PDE1C: variants seen among roughly 807,000 people sequenced by gnomAD.
The protein encoded by PDE1C is phosphodiesterase 1C.
A neutral mutation model predicts 93.1 loss-of-function variants in PDE1C; 62 were observed. That is an observed-to-expected ratio of 0.67 (90% CI 0.54 to 0.82). The LOEUF (loss-of-function observed/expected upper bound fraction) is 0.82, where lower values mean the gene tolerates loss of function less well. Ranked by LOEUF, PDE1C falls within the 40% of genes least tolerant of loss-of-function variation. The pLI is 0.00. For synonymous variants in PDE1C, 325 were observed against 310.1 expected, an observed-to-expected ratio of 1.05 and a Z score of -0.50; for missense variants, 742 against 884.6, an observed-to-expected ratio of 0.84 and a Z score of 2.04.
chr7:31,830,380 A>AT (rs1790232267), intron 11 of PDE1C, among the ~76,000 whole-genome samples: 1 of 152,192 alleles, frequency 6.6e-6, no homozygotes, highest in African/African-American at 2.4e-5. Context: ...TACACAAAGG[A>AT]TTTTTAAAAA....
chr7:31,689,190 G>A, the PDE1C span, among the ~76,000 whole-genome samples: 1 of 152,144 alleles, frequency 6.6e-6, no homozygotes, highest in Non-Finnish European at 1.5e-5. Flanking sequence ...ACGTCCCTGT[G>A]TGAGTGTTAG....
At chr7:32,135,240 T>C (rs1342492540) in intron 3 of PDE1C, among the ~76,000 whole-genome samples, 1 of 152,088 alleles carries the variant, frequency 6.6e-6, no homozygotes, top group African/African-American at 2.4e-5. Flanking sequence ...ATGAGCCCTA[T>C]AGGATGTTGG....
At chr7:31,839,435 T>A (rs776228120) in intron 9 of PDE1C, among the ~76,000 whole-genome samples, 1 of 142,382 alleles carries the variant, frequency 7.0e-6, no homozygotes, top group Admixed American at 7.4e-5. Flanking sequence ...CACACACACA[T>A]ATATAATACA....
At chr7:32,102,624 C>T (rs1321442886) in intron 3 of PDE1C, among the ~76,000 whole-genome samples, 3 of 152,222 alleles carry the variant, frequency 2.0e-5, no homozygotes. Flanking sequence ...AAAAATAAAA[C>T]TCATTCCTGG....
At chr7:32,186,087 GTTTTTTTTTTTTTTTTT>G (rs10561469) in intron 2 of PDE1C, among the ~76,000 whole-genome samples, 1 of 128,570 alleles carries the variant, frequency 7.8e-6, no homozygotes, top group Non-Finnish European at 1.7e-5. Context: ...TTGTTTTTTT[GTTTTTTTTTTTTTTTTT>G]TTTTTTTTTG....
intron 1 of PDE1C, among the ~76,000 whole-genome samples, chr7:32,271,030 C>T (rs1810925893): frequency 6.6e-6 from 1 of 152,026 alleles, no homozygotes. Context: ...CCCAGCTACT[C>T]AGGAGGCTGA....
intron 3 of PDE1C, among the ~76,000 whole-genome samples, chr7:32,138,376 T>C (rs555464889): frequency 6.6e-6 from 1 of 152,324 alleles, no homozygotes; most frequent in Admixed American, 6.5e-5. Context: ...GAGATCCTAT[T>C]ATTAATAATG....
At chr7:31,999,493 A>G (rs1239048938) in intron 2 of PDE1C, among the ~76,000 whole-genome samples, 5 of 152,172 alleles carry the variant, frequency 3.3e-5, no homozygotes, top group Admixed American at 6.5e-5. Context: ...AGAGCCTGGA[A>G]AAAGCACCAG....
At chr7:31,652,860 A>T in the PDE1C span, 1 of 1,596,432 alleles carries the variant, frequency 6.3e-7, no homozygotes, top group Non-Finnish European at 8.6e-7. Context: ...CTTCATACAA[A>T]ATATAAAGGC....
the PDE1C span, chr7:31,642,906 G>A: frequency 6.2e-7 from 1 of 1,614,016 alleles, no homozygotes; most frequent in Non-Finnish European, 8.5e-7. Context: ...AGGCCATGGA[G>A]GGGCCACCAG....
chr7:32,025,624 T>C (rs533472236), intron 2 of PDE1C, among the ~76,000 whole-genome samples: 2 of 152,192 alleles, frequency 1.3e-5, no homozygotes, highest in Admixed American at 6.5e-5. Context: ...ACCAGCATCA[T>C]AAATGAGACG....
At chr7:31,845,203 G>A (rs561423196) in intron 9 of PDE1C, among the ~76,000 whole-genome samples, 1 of 152,182 alleles carries the variant, frequency 6.6e-6, no homozygotes, top group South Asian at 2.1e-4. Flanking sequence ...AGAAATAATA[G>A]TTGTTTTAAA....
intron 1 of PDE1C, among the ~76,000 whole-genome samples, chr7:32,307,607 CCCT>C (rs1349154648): frequency 7.1e-6 from 1 of 141,630 alleles, no homozygotes; most frequent in Non-Finnish European, 1.6e-5. Context: ...CATGGTTAAA[CCCT>C]GCTGCATGCC....
At chr7:31,909,439 T>G (rs1362883977) in intron 2 of PDE1C, among the ~76,000 whole-genome samples, 1 of 152,162 alleles carries the variant, frequency 6.6e-6, no homozygotes, top group Non-Finnish European at 1.5e-5. Context: ...AGTCCTCTTG[T>G]GCTTTATCTC....
intron 3 of PDE1C, among the ~76,000 whole-genome samples, chr7:32,105,832 A>T (rs1018228593): frequency 6.6e-6 from 1 of 150,896 alleles, no homozygotes; most frequent in African/African-American, 2.4e-5. Flanking sequence ...GGTCTGGAAA[A>T]TTTTTTTCTT....
chr7:32,347,339 C>T (rs1386376766), intron 1 of PDE1C, among the ~76,000 whole-genome samples: 1 of 152,114 alleles, frequency 6.6e-6, no homozygotes, highest in African/African-American at 2.4e-5. Flanking sequence ...AAGAGTGAAA[C>T]TTTATTGACC....
At chr7:32,321,542 A>G (rs888854940) in intron 1 of PDE1C, among the ~76,000 whole-genome samples, 3 of 152,214 alleles carry the variant, frequency 2.0e-5, no homozygotes, top group African/African-American at 7.2e-5. Flanking sequence ...CCCCAGAGTT[A>G]AGGAACATTC....
chr7:32,341,173 C>CTTTTTTTTTTT lies in PDE1C; in HGVS notation c.310+86638_310+86648dup, dbSNP rs3079623. Among the ~76,000 whole-genome samples, 27 of 84,956 alleles carry CTTTTTTTTTTT rather than the reference C, an allele frequency of 3.2e-4. 2 individuals carry two copies. Among genetic ancestry groups the CTTTTTTTTTTT allele is most frequent in the East Asian group, 9.1e-4 (2 of 2,196 alleles). The allele number at this position is 84,956 out of a possible 152,430, so 55.7% of individuals were successfully genotyped here. A position where few individuals can be genotyped will look rare whatever the true frequency, so the allele number is the denominator to read the frequency against. On this transcript the variant is annotated intron_variant, in intron 1 of 1. Coordinates refer to the PDE1C transcript ENST00000672256. ...CCTAAAACTACTCTAGAAATAAAGT[C>CTTTTTTTTTTT]TTTTTTTTTTTTTTTTTTTTGAGAC... is the stretch of plus-strand genomic sequence containing the variant.
chr7:32,115,476 G>T (rs995255860), intron 3 of PDE1C, among the ~76,000 whole-genome samples: 2 of 152,002 alleles, frequency 1.3e-5, no homozygotes, highest in South Asian at 2.1e-4. Flanking sequence ...TGAGGGGAGG[G>T]GAGTGAGGGA....
Sources: gnomAD v4.1 joint callset for allele counts (sites outside exome capture counted in the v4.1 genomes callset) on GRCh38, gnomAD v4.1.1 for gene constraint, MANE v1.5 for transcripts, NCBI Gene and HGNC (gene_info 2026-07-23, HGNC 2026-07-21) for gene names.